The following ROR2 variants were observed in gnomAD, a reference collection of about 807,000 sequenced individuals.
The protein encoded by ROR2 is tyrosine-protein kinase transmembrane receptor ROR2.
In ROR2, 33 loss-of-function variants were observed where a neutral mutation model predicts 74.9. The observed-to-expected ratio is 0.44, with a 90% CI of 0.33 to 0.59. The LOEUF (loss-of-function observed/expected upper bound fraction) is 0.59. Ranked by LOEUF, ROR2 falls within the 20% of genes least tolerant of loss-of-function variation. The pLI is 0.02. For missense variants in ROR2, 1,216 were observed against 1,313.8 expected (o/e 0.93, Z 1.15); for synonymous variants, 586 against 558.7 (o/e 1.05, Z -0.69).
At chr9:91,930,611 A>G (rs910976045) in intron 1 of ROR2, among the ~76,000 whole-genome samples, 1 of 152,234 alleles carries the variant, frequency 6.6e-6, no homozygotes, top group Non-Finnish European at 1.5e-5. Flanking sequence ...ACTTGTTTCT[A>G]ACACACACCA....
intron 1 of ROR2, among the ~76,000 whole-genome samples, chr9:91,870,239 A>G (rs1829755488): frequency 6.6e-6 from 1 of 152,236 alleles, no homozygotes; most frequent in African/African-American, 2.4e-5. Context: ...TGGATCATTT[A>G]GTCATGAAAT....
intron 1 of ROR2, among the ~76,000 whole-genome samples, chr9:91,891,252 C>CTTTT (rs59835723): frequency 8.0e-5 from 11 of 136,840 alleles, no homozygotes; most frequent in Non-Finnish European, 7.8e-5. Flanking sequence ...CTGTTCCTTT[C>CTTTT]TTTTTTTTTT....
At chr9:91,856,645 T>A (rs1426025352) in intron 1 of ROR2, among the ~76,000 whole-genome samples, 1 of 152,134 alleles carries the variant, frequency 6.6e-6, no homozygotes, top group Non-Finnish European at 1.5e-5. Flanking sequence ...AAACCAACCC[T>A]GCTGACACCT....
chr9:91,730,990 G>C lies in ROR2; in HGVS notation c.1103C>G (p.Pro368Arg), dbSNP rs1716064320. 1.2e-6 allele frequency: 2 copies of C among 1,614,160 alleles called. No homozygotes were observed. Among genetic ancestry groups the C allele is most frequent in the Non-Finnish European group, 1.7e-6 (2 of 1,180,036 alleles). Reference sequence around the variant, plus strand: ...CCAGGGGCCCTCCATCTGGCCTCCGGGGTTCCGGCAGTAGGCGTGCCCCCC... The same window carrying C: ...CCAGGGGCCCTCCATCTGGCCTCCGCGGTTCCGGCAGTAGGCGTGCCCCCC... ...LGGGHAYCRN[P>R]GGQMEGPWCF... is the part of the protein sequence containing the mutation. Residue 368 changes from proline (P) to arginine (R), a missense_variant, in exon 7 of 9, where the codon CCC becomes CGC. Physicochemically the swap from Pro to Arg is moderately radical, Grantham distance 103. Transcript: ENST00000375708.
chr9:91,845,196 C>T (rs1026448268), intron 1 of ROR2, among the ~76,000 whole-genome samples: 1 of 152,122 alleles, frequency 6.6e-6, no homozygotes, highest in Non-Finnish European at 1.5e-5. Context: ...CCCCTCCCCA[C>T]CACCCAGCAC....
intron 2 of ROR2, among the ~76,000 whole-genome samples, chr9:91,769,331 G>A (rs1455651038): frequency 4.6e-5 from 7 of 152,082 alleles, no homozygotes; most frequent in Non-Finnish European, 2.9e-5. Context: ...GCCGACACCC[G>A]CAGGGCTGAG....
intron 1 of ROR2, among the ~76,000 whole-genome samples, chr9:91,792,499 T>A (rs563687099): frequency 2.0e-5 from 3 of 152,126 alleles, no homozygotes; most frequent in South Asian, 4.2e-4. Context: ...TAGTAGACAC[T>A]GGGTTTCACC....
chr9:91,833,630 C>T (rs987743184), intron 1 of ROR2, among the ~76,000 whole-genome samples: 4 of 152,172 alleles, frequency 2.6e-5, no homozygotes, highest in Admixed American at 1.3e-4. Flanking sequence ...CCATGGCCAG[C>T]GCACCCTGCA....
intron 1 of ROR2, among the ~76,000 whole-genome samples, chr9:91,803,873 T>C (rs992439994): frequency 2.0e-5 from 3 of 152,392 alleles, no homozygotes; most frequent in African/African-American, 7.2e-5. Context: ...TGCTTCATGG[T>C]AGACCTTACA....
At chr9:91,796,438 A>G (rs1827170268) in intron 1 of ROR2, among the ~76,000 whole-genome samples, 1 of 136,900 alleles carries the variant, frequency 7.3e-6, no homozygotes, top group African/African-American at 2.5e-5. Context: ...GTCCCAAGGA[A>G]AAAAAAAAAA....
chr9:91,786,132 G>A (rs1269777902), intron 1 of ROR2, among the ~76,000 whole-genome samples: 13 of 121,416 alleles, frequency 1.1e-4, no homozygotes, highest in African/African-American at 5.8e-5. Context: ...ACTAGCCTGG[G>A]TAACATACGG....
intron 1 of ROR2, among the ~76,000 whole-genome samples, chr9:91,836,237 A>G (rs1424696576): frequency 6.6e-6 from 1 of 152,122 alleles, no homozygotes; most frequent in African/African-American, 2.4e-5. Context: ...GGGAAGAGGT[A>G]CCAATTATTA....
At chr9:91,858,970 G>A (rs149447261) in intron 1 of ROR2, among the ~76,000 whole-genome samples, 295 of 152,182 alleles carry the variant, frequency 1.9e-3, no homozygotes, top group African/African-American at 6.3e-3. Flanking sequence ...AGGTGTCACC[G>A]GGGACACCAG....
At chr9:91,743,933 T>C (rs190627584) in intron 4 of ROR2, among the ~76,000 whole-genome samples, 2 of 152,348 alleles carry the variant, frequency 1.3e-5, no homozygotes, top group African/African-American at 4.8e-5. Context: ...TTATTTATAA[T>C]TGCCCCCAAA....
At position 91,894,933 on chromosome 9, in the gene ROR2, T is replaced by C. The variant is rs546999903; in HGVS notation, c.97+54934A>G. Among the ~76,000 whole-genome samples, 3 of 152,290 alleles carry C rather than the reference T, an allele frequency of 2.0e-5. No homozygotes were observed. In the South Asian group the frequency reaches 6.2e-4, roughly 32 times the overall value. On this transcript the variant is annotated intron_variant, in intron 1 of 8. Coordinates refer to ENST00000375708, the MANE Select transcript of ROR2 (RefSeq NM_004560.4). ...GTTCTAGCAATCACACTCCTTGGTA[T>C]AAGGAGATGAAAACTTATGTCCACA...
At chr9:91,847,855 A>C (rs553702086) in intron 1 of ROR2, among the ~76,000 whole-genome samples, 2 of 152,000 alleles carry the variant, frequency 1.3e-5, no homozygotes, top group Non-Finnish European at 2.9e-5. Context: ...ATCTTGCAGG[A>C]AACACCCACG....
chr9:91,744,176 C>T (rs1825331782), intron 4 of ROR2, among the ~76,000 whole-genome samples: 2 of 149,294 alleles, frequency 1.3e-5, no homozygotes, highest in African/African-American at 4.9e-5. Flanking sequence ...TTGAATGGGA[C>T]CTGGCGCACA....
intron 1 of ROR2, among the ~76,000 whole-genome samples, chr9:91,845,644 G>A (rs904894381): frequency 1.3e-5 from 2 of 152,054 alleles, no homozygotes; most frequent in African/African-American, 2.4e-5. Context: ...CACTGTGGGA[G>A]GCTGAGGCGG....
At chr9:91,841,640 A>C (rs997371355) in intron 1 of ROR2, among the ~76,000 whole-genome samples, 1 of 152,270 alleles carries the variant, frequency 6.6e-6, no homozygotes, top group African/African-American at 2.4e-5. Flanking sequence ...TCAGCAGTAC[A>C]GCCCGGTGGG....
Sources: allele counts gnomAD v4.1 joint callset (sites outside exome capture counted in the v4.1 genomes callset), GRCh38; gene constraint gnomAD v4.1.1; transcripts MANE v1.5; gene names NCBI Gene and HGNC (gene_info 2026-07-23, HGNC 2026-07-21).